DPP6: variants seen among roughly 807,000 people sequenced by gnomAD.
The protein encoded by DPP6 is A-type potassium channel modulatory protein DPP6.
Under a neutral mutation model 122.6 loss-of-function variants are expected in DPP6, and 69 were observed. That is an observed-to-expected ratio of 0.56 (90% CI 0.46 to 0.69). The LOEUF (loss-of-function observed/expected upper bound fraction) is 0.69, where lower values mean the gene tolerates loss of function less well. Among genes scored for constraint, DPP6 ranks in the 30% least tolerant of loss-of-function variants. The pLI is 0.00. For synonymous variants in DPP6, 418 were observed against 433.1 expected (o/e 0.97, Z 0.43); for missense variants, 928 against 1,116.9 (o/e 0.83, Z 2.41).
rs7803650 is a variant in DPP6, at chr7:154,867,841, A to C, written c.1715-154A>C. Among the ~76,000 whole-genome samples, 20,871 of 152,144 alleles carry C rather than the reference A, an allele frequency of 0.14. 3,643 individuals carry two copies. Among genetic ancestry groups the C allele is most frequent in the African/African-American group, 0.41 (16,954 of 41,452 alleles). ...AGCGCATAACTTGAGCGTGTTTTTT[A>C]ATGCCCAGTTTCTTTTTCTGTACAC... On this transcript the variant is annotated intron_variant, in intron 17 of 25. Transcript: ENST00000377770.
intron 1 of DPP6, among the ~76,000 whole-genome samples, chr7:153,925,856 A>G (rs755120186): frequency 1.3e-5 from 2 of 152,126 alleles, no homozygotes; most frequent in Non-Finnish European, 2.9e-5. Context: ...GTAACTGTTG[A>G]TTTTTACTTT....
intron 8 of DPP6, among the ~76,000 whole-genome samples, chr7:154,747,537 G>A (rs1313083160): frequency 6.6e-6 from 1 of 152,176 alleles, no homozygotes; most frequent in East Asian, 1.9e-4. Context: ...CGACCTTGTG[G>A]GGTCATTGTG....
intron 1 of DPP6, among the ~76,000 whole-genome samples, chr7:154,445,857 A>G (rs944724095): frequency 3.3e-5 from 5 of 152,100 alleles, no homozygotes; most frequent in Non-Finnish European, 7.4e-5. Flanking sequence ...CAATGAGGGT[A>G]AGGAATTTAG....
At chr7:154,856,765 G>A (rs1460295032) in intron 17 of DPP6, among the ~76,000 whole-genome samples, 5 of 152,180 alleles carry the variant, frequency 3.3e-5, no homozygotes, top group Non-Finnish European at 5.9e-5. Flanking sequence ...GAAGCATTTC[G>A]CCGTTTGCAG....
At chr7:153,981,447 A>G (rs1796580956) in intron 1 of DPP6, among the ~76,000 whole-genome samples, 1 of 152,102 alleles carries the variant, frequency 6.6e-6, no homozygotes, top group African/African-American at 2.4e-5. Context: ...TCTGCATGTG[A>G]AGTGGGTCTC....
At chr7:153,828,806 T>C in the DPP6 span, among the ~76,000 whole-genome samples, 1 of 152,218 alleles carries the variant, frequency 6.6e-6, no homozygotes, top group Non-Finnish European at 1.5e-5. Context: ...TGAAATGAGC[T>C]ACCTGAAGGC....
intron 1 of DPP6, among the ~76,000 whole-genome samples, chr7:153,890,682 AC>A (rs1799151089): frequency 7.5e-6 from 1 of 132,884 alleles, no homozygotes. Context: ...TCAGTTTAGA[AC>A]TTTTTTTTTT....
At chr7:154,692,781 CTTTTTTTT>C (rs200799193) in intron 7 of DPP6, among the ~76,000 whole-genome samples, 35 of 141,494 alleles carry the variant, frequency 2.5e-4, no homozygotes, top group Non-Finnish European at 4.1e-4. Flanking sequence ...TTCTCTCTCT[CTTTTTTTT>C]TTTTTTTTTT....
At chr7:154,382,637 GT>G (rs1180674740) in intron 1 of DPP6, among the ~76,000 whole-genome samples, 1 of 152,160 alleles carries the variant, frequency 6.6e-6, no homozygotes, top group Non-Finnish European at 1.5e-5. Flanking sequence ...TCCTTTATTT[GT>G]TAGGGAATGA....
intron 5 of DPP6, among the ~76,000 whole-genome samples, chr7:154,623,602 GACAC>G (rs56197097): frequency 0.22 from 32,480 of 148,748 alleles, 3,358 homozygotes; most frequent in African/African-American, 0.26. Context: ...CACACACGCT[GACAC>G]ACACGCACGT....
intron 1 of DPP6, among the ~76,000 whole-genome samples, chr7:154,134,146 G>T (rs1585451291): frequency 6.6e-6 from 1 of 152,234 alleles, no homozygotes; most frequent in East Asian, 1.9e-4. Flanking sequence ...GTAGTTTCTG[G>T]ATAGCACCCA....
chr7:154,628,629 A>G (rs1472635620), intron 5 of DPP6, among the ~76,000 whole-genome samples: 1 of 152,136 alleles, frequency 6.6e-6, no homozygotes, highest in Non-Finnish European at 1.5e-5. Context: ...CTCCGCCCAC[A>G]TTATTAGAGA....
chr7:154,160,014 G>A (rs1183851898), intron 1 of DPP6, among the ~76,000 whole-genome samples: 2 of 152,228 alleles, frequency 1.3e-5, no homozygotes, highest in Admixed American at 6.5e-5. Context: ...GGAGGCTGAG[G>A]TGGAGGATCC....
intron 7 of DPP6, among the ~76,000 whole-genome samples, chr7:154,717,400 A>ACG: frequency 6.6e-6 from 1 of 151,628 alleles, no homozygotes; most frequent in East Asian, 1.9e-4. Context: ...ACACACACAC[A>ACG]CGCACCCTTC....
rs546394622 is a variant in DPP6 at position 154,200,093 on chromosome 7, C to T, written c.243+147030C>T. 2.2e-4 allele frequency among the ~76,000 whole-genome samples: 34 copies of T among 152,214 alleles called. 1 individual carries two copies. The highest frequency in any genetic ancestry group is 1.5e-3 in the Admixed American group (23 of 15,288). ...AATAATACCAATTCAAAATCAAACA[C>T]GGAACACATACATCGGTCATCAGTC... On this transcript the variant is annotated intron_variant, in intron 1 of 25. Coordinates refer to ENST00000377770, the MANE Select transcript of DPP6 (RefSeq NM_130797.4).
intron 7 of DPP6, among the ~76,000 whole-genome samples, chr7:154,706,112 C>T (rs979647279): frequency 9.2e-5 from 14 of 152,176 alleles, no homozygotes; most frequent in African/African-American, 3.4e-4. Flanking sequence ...TTCAGTGACT[C>T]CCATTGTTCT....
At chr7:154,668,334 C>A (rs1227738642) in intron 6 of DPP6, among the ~76,000 whole-genome samples, 4 of 149,784 alleles carry the variant, frequency 2.7e-5, no homozygotes, top group Non-Finnish European at 5.9e-5. Flanking sequence ...CATTCTCCTG[C>A]CTCAGCCTCC....
chr7:154,751,710 G>A (rs1843400509), intron 8 of DPP6, among the ~76,000 whole-genome samples: 1 of 152,124 alleles, frequency 6.6e-6, no homozygotes, highest in Admixed American at 6.5e-5. Context: ...ACAGACACAT[G>A]TCCAGAACAT....
intron 1 of DPP6, among the ~76,000 whole-genome samples, chr7:153,998,344 G>A (rs1307462137): frequency 3.3e-5 from 5 of 152,094 alleles, no homozygotes; most frequent in Admixed American, 1.3e-4. Flanking sequence ...TGCAGTAATC[G>A]AATAAATCCT....
Sources: allele counts gnomAD v4.1 joint callset (sites outside exome capture counted in the v4.1 genomes callset), GRCh38; gene constraint gnomAD v4.1.1; transcripts MANE v1.5; gene names NCBI Gene and HGNC (gene_info 2026-07-23, HGNC 2026-07-21).